Variants in TSPAN9 observed in about 807,000 individuals in gnomAD.
TSPAN9 encodes the protein tetraspanin 9.
Under a neutral mutation model 31.0 loss-of-function variants are expected in TSPAN9, and 16 were observed. That is an observed-to-expected ratio of 0.52 (90% confidence interval 0.35 to 0.78). The LOEUF is 0.78. TSPAN9 is among the 30% of genes least tolerant of loss of function. TSPAN9 has a pLI of 0.01. For synonymous variants in TSPAN9, 145 were observed against 121.6 expected (o/e 1.19, Z -1.27); for missense variants, 272 against 312.5 (o/e 0.87, Z 0.98).
intron 3 of TSPAN9, among the ~76,000 whole-genome samples, chr12:3,239,241 T>C (rs1300143341): frequency 6.6e-6 from 1 of 150,486 alleles, no homozygotes; most frequent in Non-Finnish European, 1.5e-5. Context: ...GGTGGGGCTC[T>C]GTTCTCTGTT....
rs900069679 is a variant in TSPAN9 at position 3,094,108 on chromosome 12, T to C, written c.-18+10389T>C. On this transcript the variant is annotated intron_variant, in intron 2 of 8. Coordinates refer to ENST00000011898, the MANE Select transcript of TSPAN9 (RefSeq NM_006675.5). ...AACTCCTGGCCTTAAGGGGTTCTTT[T>C]GCTTCTGCCTCCCAAAGTGTTGGGA... is the stretch of plus-strand genomic sequence containing the variant. Among the ~76,000 whole-genome samples the C allele has an allele frequency of 2.4e-4, 36 of 152,240 alleles. 1 individual carries two copies. The highest frequency in any genetic ancestry group is 7.9e-4 in the African/African-American group (33 of 41,550).
intron 1 of TSPAN9, among the ~76,000 whole-genome samples, chr12:3,081,808 T>TTGTGTGTG (rs985080707): frequency 6.8e-5 from 4 of 58,462 alleles, no homozygotes; most frequent in South Asian, 7.0e-4. Context: ...ATCTAAAAAA[T>TTGTGTGTG]TGTGTGTGTG....
chr12:3,234,954 A>G (rs1298974409), intron 3 of TSPAN9, among the ~76,000 whole-genome samples: 18 of 150,762 alleles, frequency 1.2e-4, no homozygotes, highest in Non-Finnish European at 2.5e-4. Flanking sequence ...AGGTCAGGAG[A>G]TCGAGACCAT....
chr12:3,165,921 G>A (rs941273133), intron 2 of TSPAN9, among the ~76,000 whole-genome samples: 16 of 152,210 alleles, frequency 1.1e-4, no homozygotes, highest in Non-Finnish European at 2.2e-4. Context: ...GCCTCAAGGA[G>A]TGGCTCCGCA....
chr12:3,085,722 C>T (rs891940873), intron 2 of TSPAN9, among the ~76,000 whole-genome samples: 2 of 152,158 alleles, frequency 1.3e-5, no homozygotes, highest in Non-Finnish European at 2.9e-5. Context: ...TTCTTTCTGG[C>T]TCTGCTGGAG....
At chr12:3,197,649 T>TCACCAGCACAAGTCAC (rs1420860701) in intron 2 of TSPAN9, among the ~76,000 whole-genome samples, 89 of 151,892 alleles carry the variant, frequency 5.9e-4, no homozygotes, top group African/African-American at 1.5e-3. Flanking sequence ...GGCTGCAGGT[T>TCACCAGCACAAGTCAC]CACCAGCACA....
At chr12:3,186,566 G>C (rs922387108) in intron 2 of TSPAN9, among the ~76,000 whole-genome samples, 1 of 151,670 alleles carries the variant, frequency 6.6e-6, no homozygotes, top group Non-Finnish European at 1.5e-5. Context: ...GTGTGTGTGT[G>C]TGTGTGTGTG....
At chr12:3,244,799 C>T (rs1005901184) in intron 3 of TSPAN9, among the ~76,000 whole-genome samples, 1 of 152,186 alleles carries the variant, frequency 6.6e-6, no homozygotes, top group Non-Finnish European at 1.5e-5. Flanking sequence ...ACTAGGCTTG[C>T]CTGCCCCAGC....
chr12:3,155,808 T>C (rs1488011008), intron 2 of TSPAN9, among the ~76,000 whole-genome samples: 1 of 152,134 alleles, frequency 6.6e-6, no homozygotes, highest in Non-Finnish European at 1.5e-5. Context: ...TTAGCAAGTA[T>C]TTATTGTAGG....
chr12:3,185,507 C>T (rs2153971606), intron 2 of TSPAN9, among the ~76,000 whole-genome samples: 1 of 152,270 alleles, frequency 6.6e-6, no homozygotes, highest in South Asian at 2.1e-4. Flanking sequence ...CTGGGAGTTT[C>T]CAGTCTGTGT....
intron 3 of TSPAN9, among the ~76,000 whole-genome samples, chr12:3,245,199 G>A (rs1022798548): frequency 6.6e-6 from 1 of 152,210 alleles, no homozygotes; most frequent in Non-Finnish European, 1.5e-5. Context: ...ATCCAAGCGA[G>A]TGAGCAGGTG....
At chr12:3,160,156 T>C (rs1173812019) in intron 2 of TSPAN9, among the ~76,000 whole-genome samples, 1 of 152,242 alleles carries the variant, frequency 6.6e-6, no homozygotes, top group African/African-American at 2.4e-5. Flanking sequence ...TTGCTTATAT[T>C]GTGGATGCTT....
At chr12:3,218,792 T>C (rs2098382722) in intron 3 of TSPAN9, among the ~76,000 whole-genome samples, 1 of 152,090 alleles carries the variant, frequency 6.6e-6, no homozygotes, top group Non-Finnish European at 1.5e-5. Flanking sequence ...CCCCGCTGGC[T>C]CTCCGCTGCC....
intron 2 of TSPAN9, among the ~76,000 whole-genome samples, chr12:3,177,057 G>T (rs1185095570): frequency 6.6e-6 from 1 of 152,042 alleles, no homozygotes; most frequent in Non-Finnish European, 1.5e-5. Context: ...GGACCCCCAG[G>T]AGATGCGCCA....
chr12:3,229,230 C>T (rs1361394581), intron 3 of TSPAN9, among the ~76,000 whole-genome samples: 1 of 152,202 alleles, frequency 6.6e-6, no homozygotes, highest in Non-Finnish European at 1.5e-5. Flanking sequence ...CCATTTCGGG[C>T]CCAGAGAGTT....
intron 2 of TSPAN9, among the ~76,000 whole-genome samples, chr12:3,179,656 A>G (rs983801463): frequency 4.6e-5 from 7 of 152,186 alleles, no homozygotes; most frequent in African/African-American, 1.7e-4. Context: ...CTGAGCTAAC[A>G]TCATGCATTT....
Position 3,143,102 on chromosome 12 carries a change from C to T in TSPAN9, c.-17-58075C>T, listed in dbSNP as rs2098335643. Among the ~76,000 whole-genome samples the T allele has an allele frequency of 2.6e-5, 4 of 151,990 alleles. No individual in the cohort carries two copies. The highest frequency in any genetic ancestry group is 2.1e-4 in the South Asian group (1 of 4,804). On this transcript the variant is annotated intron_variant, in intron 2 of 8. Coordinates refer to ENST00000011898, the MANE Select transcript of TSPAN9 (RefSeq NM_006675.5). The surrounding 1 kb of genome is among the most constrained non-coding windows in gnomAD (Gnocchi z 4.2). ...TGGAGAGACCACTGTGGCATGGTGA[C>T]GTGTCCTTCTAGGTGTGTGGCATCA...
chr12:3,213,477 C>T (rs970648618), intron 3 of TSPAN9, among the ~76,000 whole-genome samples: 11 of 152,314 alleles, frequency 7.2e-5, no homozygotes, highest in Non-Finnish European at 1.0e-4. Flanking sequence ...TGACCAGTCC[C>T]TGGGGCTCAG....
intron 3 of TSPAN9, among the ~76,000 whole-genome samples, chr12:3,201,879 G>A (rs935058690): frequency 1.3e-5 from 2 of 152,160 alleles, no homozygotes; most frequent in South Asian, 4.1e-4. Flanking sequence ...GAGGGGTGTG[G>A]GGGCATGCTG....
Sources: gnomAD v4.1 joint callset for allele counts (sites outside exome capture counted in the v4.1 genomes callset) on GRCh38, gnomAD v4.1.1 for gene constraint, Gnocchi (gnomAD v3.1) non-coding constraint, MANE v1.5 for transcripts, NCBI Gene and HGNC (gene_info 2026-07-23, HGNC 2026-07-21) for gene names.